The following CDKL1 variants were observed in gnomAD, a reference collection of about 807,000 sequenced individuals.
CDKL1 encodes cyclin-dependent kinase-like 1.
CDKL1 carries 41 observed loss-of-function variants against 42.0 expected under a neutral mutation model. The observed-to-expected ratio is 0.98, with a 90% confidence interval of 0.76 to 1.27. CDKL1 has a LOEUF of 1.27. Ranked by LOEUF, CDKL1 falls within the 50% of genes most tolerant of loss-of-function variation. The probability of loss-of-function intolerance (pLI) is 0.00; values close to 1 mark genes in which losing one functional copy is unlikely to be tolerated. For synonymous variants in CDKL1, 153 were observed against 158.6 expected (o/e 0.96, Z 0.26); for missense variants, 394 against 428.4 (o/e 0.92, Z 0.71).
At chr14:50,351,359 A>G (rs780713599) in intron 3 of CDKL1, among the ~76,000 whole-genome samples, 16 of 152,092 alleles carry the variant, frequency 1.1e-4, no homozygotes, top group Non-Finnish European at 2.1e-4. Flanking sequence ...AAGGCCAGAC[A>G]TTACCAAGAA....
chr14:50,377,043 T>C (rs1405591482), intron 2 of CDKL1, among the ~76,000 whole-genome samples: 1 of 152,226 alleles, frequency 6.6e-6, no homozygotes, highest in Non-Finnish European at 1.5e-5. Context: ...TGTGGGATTC[T>C]GCCTGGAGTG....
At position 50,329,230 on chromosome 14, in the gene CDKL1, G is replaced by T. The variant is rs1208827182; in HGVS notation, c.*844C>A. On this transcript the variant is annotated 3_prime_UTR_variant, in exon 10 of 10. Coordinates refer to ENST00000395834, the MANE Select transcript of CDKL1 (RefSeq NM_004196.7). Reference sequence around the variant, plus strand: ...TGCCTATAGATGTACCAGGTCAAAGGCTGTGCCAGAGAGAATGAAATACTA... The same window carrying T: ...TGCCTATAGATGTACCAGGTCAAAGTCTGTGCCAGAGAGAATGAAATACTA... 2.6e-5 allele frequency: 4 copies of T among 152,050 alleles called. No individual in the cohort carries two copies. Among genetic ancestry groups the T allele is most frequent in the Admixed American group, 1.3e-4 (2 of 15,260 alleles). 9.4% of individuals were successfully genotyped at this position (152,050 alleles called of 1,614,324 possible).
chr14:50,335,370 T>C (rs891477408), intron 7 of CDKL1: 6 of 862,932 alleles, frequency 7.0e-6, no homozygotes, highest in African/African-American at 3.4e-5. Context: ...TAGATGTTTT[T>C]CCCCTACCCA....
intron 2 of CDKL1, among the ~76,000 whole-genome samples, chr14:50,375,866 G>A (rs1250646694): frequency 1.3e-5 from 2 of 151,958 alleles, no homozygotes; most frequent in African/African-American, 4.8e-5. Flanking sequence ...TGGTCTTCTA[G>A]CCCATAACCC....
At chr14:50,392,200 C>A (rs35962626) in intron 2 of CDKL1, among the ~76,000 whole-genome samples, 1 of 152,090 alleles carries the variant, frequency 6.6e-6, no homozygotes, top group South Asian at 2.1e-4. Flanking sequence ...AATCCTAGCA[C>A]TTTGGGAGGC....
intron 3 of CDKL1, among the ~76,000 whole-genome samples, chr14:50,345,586 A>G (rs1301832559): frequency 3.9e-5 from 6 of 152,224 alleles, no homozygotes; most frequent in African/African-American, 1.4e-4. Context: ...TACTGATTAT[A>G]GCAAAGAGCT....
intron 3 of CDKL1, among the ~76,000 whole-genome samples, chr14:50,349,182 C>G (rs2033821849): frequency 6.6e-6 from 1 of 152,132 alleles, no homozygotes; most frequent in Non-Finnish European, 1.5e-5. Flanking sequence ...AATAGAATGG[C>G]ATCAGGCTTC....
chr14:50,335,844 T>C (rs2033240205), intron 7 of CDKL1: 2 of 1,286,134 alleles, frequency 1.6e-6, no homozygotes, highest in South Asian at 3.0e-5. Flanking sequence ...TAACCAATTC[T>C]GGATTGTACA....
intron 7 of CDKL1, chr14:50,336,050 C>T (rs890819676): frequency 7.3e-7 from 1 of 1,366,426 alleles, no homozygotes; most frequent in Non-Finnish European, 9.8e-7. Flanking sequence ...ATCTGAGCAT[C>T]ACTGGGGTTT....
intron 2 of CDKL1, 53 bp downstream of exon 2, chr14:50,395,648 C>G: frequency 2.4e-6 from 3 of 1,260,528 alleles, no homozygotes; most frequent in African/African-American, 1.5e-5. Flanking sequence ...GCCTGGGAGA[C>G]AGAGTGAAAC....
At chr14:50,392,829 C>G (rs1169564508) in intron 2 of CDKL1, among the ~76,000 whole-genome samples, 1 of 152,132 alleles carries the variant, frequency 6.6e-6, no homozygotes, top group Admixed American at 6.5e-5. Flanking sequence ...CACATTTGCA[C>G]CTGGGTCTCT....
intron 3 of CDKL1, among the ~76,000 whole-genome samples, chr14:50,349,246 A>G (rs187634197): frequency 6.6e-6 from 1 of 152,218 alleles, no homozygotes; most frequent in Admixed American, 6.5e-5. Context: ...ATTTGAAGGA[A>G]TATTATCTTC....
At chr14:50,353,010 T>C (rs939068202) in intron 3 of CDKL1, among the ~76,000 whole-genome samples, 1 of 152,236 alleles carries the variant, frequency 6.6e-6, no homozygotes, top group Non-Finnish European at 1.5e-5. Context: ...TGAGATTGCT[T>C]AACTGCATCC....
chr14:50,368,161 C>T (rs748453951), intron 2 of CDKL1, among the ~76,000 whole-genome samples: 60 of 152,230 alleles, frequency 3.9e-4, no homozygotes, highest in Admixed American at 7.2e-4. Flanking sequence ...GGTTTCGCTA[C>T]GTTGCCCTGT....
chr14:50,330,967 G>T (rs937735166), intron 9 of CDKL1: 3 of 150,802 alleles, frequency 2.0e-5, no homozygotes, highest in African/African-American at 7.2e-5. Context: ...AGGTGCGGTG[G>T]CTCATGCCTG....
Position 50,330,080 on chromosome 14 carries a change from G to A in CDKL1, c.1068C>T (p.Asn356=). The stretch of plus-strand genomic sequence containing the variant: ...ATCATGTCTCCTAGCTCCTTTAAAT[G>A]TTTGGAAAACGGTAGTTAAGTTTCT... The part of the protein sequence containing the change: ...DTKKLNYRFP[N]I The change falls in exon 10 of 10, where the codon AAC becomes AAT. Residue 356 remains asparagine, a synonymous_variant. Coordinates refer to ENST00000395834, the MANE Select transcript of CDKL1 (RefSeq NM_004196.7). 1.2e-6 allele frequency: 2 copies of A among 1,608,416 alleles called. No homozygotes were observed. Among genetic ancestry groups the A allele is most frequent in the Non-Finnish European group, 1.7e-6 (2 of 1,178,828 alleles).
intron 7 of CDKL1, chr14:50,335,694 C>A: frequency 6.8e-7 from 1 of 1,474,576 alleles, no homozygotes; most frequent in Non-Finnish European, 9.0e-7. Flanking sequence ...TAAGTGACTG[C>A]AGTGCATTGT....
intron 4 of CDKL1, 175 bp from the exon 5 acceptor site, chr14:50,342,397 G>T: frequency 7.3e-7 from 1 of 1,366,636 alleles, no homozygotes; most frequent in Non-Finnish European, 9.4e-7. Flanking sequence ...GTCAGAGCCT[G>T]AATCATCCCA....
At chr14:50,340,774 T>C (rs2033486584) in intron 6 of CDKL1, among the ~76,000 whole-genome samples, 1 of 152,264 alleles carries the variant, frequency 6.6e-6, no homozygotes, top group South Asian at 2.1e-4. Context: ...TCATTATTAA[T>C]GTTTTAACTT....
Sources: gnomAD v4.1 joint callset for allele counts (sites outside exome capture counted in the v4.1 genomes callset) on GRCh38, gnomAD v4.1.1 for gene constraint, MANE v1.5 for transcripts, NCBI Gene and HGNC (gene_info 2026-07-23, HGNC 2026-07-21) for gene names.